Variants in NRXN1 observed in about 807,000 individuals in gnomAD.
NRXN1 encodes the protein neurexin 1.
In NRXN1, 39 loss-of-function variants were observed where a neutral mutation model predicts 150.9. The ratio of observed to expected loss-of-function variants is 0.26; its 90% CI spans 0.20 to 0.34. The LOEUF is 0.34. Ranked by LOEUF, NRXN1 falls within the 10% of genes least tolerant of loss-of-function variation. The pLI is 1.00. For missense variants in NRXN1, 1,815 were observed against 1,949.9 expected, an observed-to-expected ratio of 0.93 and a Z score of 1.30; for synonymous variants, 924 against 757.0, an observed-to-expected ratio of 1.22 and a Z score of -3.62.
chr2:50,904,456 G>A (rs1457086836), intron 5 of NRXN1, among the ~76,000 whole-genome samples: 1 of 152,050 alleles, frequency 6.6e-6, no homozygotes, highest in African/African-American at 2.4e-5. Context: ...TGGTAAAATG[G>A]TTCTCTTCTA....
chr2:50,600,283 A>C (rs1039072455), intron 8 of NRXN1, among the ~76,000 whole-genome samples: 1 of 152,032 alleles, frequency 6.6e-6, no homozygotes, highest in Non-Finnish European at 1.5e-5. Context: ...AAACAAAAAA[A>C]AATAGAAAAA....
At chr2:50,822,398 A>G (rs548680908) in intron 5 of NRXN1, among the ~76,000 whole-genome samples, 169 of 152,284 alleles carry the variant, frequency 1.1e-3, no homozygotes, top group African/African-American at 3.9e-3. Flanking sequence ...GATTAGTTAT[A>G]TTTAAGTGAT....
chr2:50,467,426 A>AAG (rs1425134495), intron 16 of NRXN1, among the ~76,000 whole-genome samples: 8 of 151,676 alleles, frequency 5.3e-5, no homozygotes, highest in Non-Finnish European at 1.2e-4. Context: ...ATTAATGTAA[A>AAG]AGAGAGAGCC....
chr2:50,000,457 G>C (rs189338904), intron 21 of NRXN1, among the ~76,000 whole-genome samples: 2 of 152,208 alleles, frequency 1.3e-5, no homozygotes, highest in Admixed American at 6.5e-5. Flanking sequence ...ATTTCATCCA[G>C]CACACAAATT....
intron 17 of NRXN1, among the ~76,000 whole-genome samples, chr2:50,345,877 G>A (rs556517983): frequency 6.6e-6 from 1 of 152,318 alleles, no homozygotes; most frequent in South Asian, 2.1e-4. Flanking sequence ...GAGGAAGTAA[G>A]ACCTCCCTGG....
In NRXN1 at chr2:50,843,686, T is replaced by G. The variant is rs756640906; in HGVS notation, c.832+78183A>C. Among the ~76,000 whole-genome samples, 35 of 152,182 alleles carry G rather than the reference T, an allele frequency of 2.3e-4. 1 individual carries two copies. Among genetic ancestry groups the G allele is most frequent in the Non-Finnish European group, 4.7e-4 (32 of 68,030 alleles). On this transcript the variant is annotated intron_variant, in intron 5 of 22. Transcript: ENST00000401669. ...TTTACATTAACACACATTTACTATTTCATTGCTCTCATTGGTATAACAACT... is the reference window on the plus strand; with the variant it reads ...TTTACATTAACACACATTTACTATTGCATTGCTCTCATTGGTATAACAACT...
intron 2 of NRXN1, among the ~76,000 whole-genome samples, chr2:51,014,651 G>A (rs13418185): frequency 0.22 from 34,184 of 151,972 alleles, 4,673 homozygotes; most frequent in African/African-American, 0.39. Flanking sequence ...TACAAGTGAA[G>A]AGTCTGGCCT....
intron 18 of NRXN1, among the ~76,000 whole-genome samples, chr2:50,158,709 T>C (rs376928164): frequency 1.4e-4 from 22 of 152,166 alleles, no homozygotes; most frequent in Admixed American, 1.4e-3. Context: ...ATTTATGGCA[T>C]CACCAGTGGA....
chr2:50,334,232 C>T (rs1377703580), intron 17 of NRXN1, among the ~76,000 whole-genome samples: 4 of 119,456 alleles, frequency 3.3e-5, no homozygotes, highest in African/African-American at 1.2e-4. Flanking sequence ...TATTGTTTAA[C>T]GGGCCTCACG....
chr2:51,029,358 A>G (rs1671119152), intron 1 of NRXN1, among the ~76,000 whole-genome samples, 164 bp from the exon 2 acceptor site: 3 of 152,170 alleles, frequency 2.0e-5, no homozygotes, highest in African/African-American at 2.4e-5. Flanking sequence ...AAGTCCTAAC[A>G]TTTTCTAATA....
At chr2:50,239,040 G>C (rs1329396946) in intron 17 of NRXN1, among the ~76,000 whole-genome samples, 1 of 151,908 alleles carries the variant, frequency 6.6e-6, no homozygotes. Context: ...ACAGAGTGTA[G>C]ATCAGAAATC....
intron 18 of NRXN1, among the ~76,000 whole-genome samples, chr2:50,114,917 G>A (rs1004157081): frequency 3.3e-5 from 5 of 151,842 alleles, no homozygotes; most frequent in African/African-American, 7.3e-5. Flanking sequence ...AATGTACTCC[G>A]TGTGATATTA....
rs139618167 is a variant in NRXN1 at position 50,995,534 on chromosome 2, G to C, written c.772+31968C>G. Among the ~76,000 whole-genome samples, 1,145 of 151,646 alleles carry C rather than the reference G, an allele frequency of 7.6e-3. 8 individuals are homozygous for C. Among genetic ancestry groups the C allele is most frequent in the Non-Finnish European group, 0.011 (734 of 67,908 alleles). ...GCAGGAAAATCGCATGAACCTGGGA[G>C]GCAGAGGTTGCAGTGAGCCAAGAGT... On this transcript the variant is annotated intron_variant, in intron 2 of 22. Transcript: ENST00000401669.
chr2:50,414,128 T>C (rs2083377530), intron 17 of NRXN1, among the ~76,000 whole-genome samples: 1 of 152,028 alleles, frequency 6.6e-6, no homozygotes, highest in African/African-American at 2.4e-5. Flanking sequence ...AGAACTACTG[T>C]TTGATATCAC....
At chr2:50,923,470 G>A (rs1184994935) in intron 3 of NRXN1, 1 of 262,340 alleles carries the variant, frequency 3.8e-6, no homozygotes, top group South Asian at 3.7e-5. Context: ...AAAGGACATT[G>A]AAATTCCTTT....
intron 5 of NRXN1, among the ~76,000 whole-genome samples, chr2:50,794,186 T>C (rs1451931824): frequency 6.6e-6 from 1 of 152,080 alleles, no homozygotes; most frequent in Non-Finnish European, 1.5e-5. Flanking sequence ...GTTTCTTTGT[T>C]ACATCCGACT....
chr2:50,613,795 G>T (rs1038523524), intron 8 of NRXN1, among the ~76,000 whole-genome samples: 22 of 152,108 alleles, frequency 1.4e-4, no homozygotes, highest in African/African-American at 5.3e-4. Flanking sequence ...AAAATTACCC[G>T]GGCATGGTGA....
intron 8 of NRXN1, among the ~76,000 whole-genome samples, chr2:50,586,567 TAA>T (rs145046699): frequency 6.7e-6 from 1 of 148,260 alleles, no homozygotes; most frequent in Non-Finnish European, 1.5e-5. Flanking sequence ...TTCAATATAT[TAA>T]AAAAAAAAGT....
intron 5 of NRXN1, among the ~76,000 whole-genome samples, chr2:50,733,742 T>C (rs934714136): frequency 6.6e-6 from 1 of 152,150 alleles, no homozygotes; most frequent in African/African-American, 2.4e-5. Context: ...TGGTCGACCA[T>C]TGAAAATGAG....
Sources: gnomAD v4.1 joint callset for allele counts (sites outside exome capture counted in the v4.1 genomes callset) on GRCh38, gnomAD v4.1.1 for gene constraint, MANE v1.5 for transcripts, NCBI Gene and HGNC (gene_info 2026-07-23, HGNC 2026-07-21) for gene names.